The following TMTC2 variants were observed in gnomAD, a reference collection of about 807,000 sequenced individuals.
The protein encoded by TMTC2 is protein O-mannosyl-transferase TMTC2.
TMTC2 carries 43 observed loss-of-function variants against 82.4 expected under a neutral mutation model. The observed-to-expected ratio is 0.52, with a 90% confidence interval of 0.41 to 0.67. TMTC2 has a LOEUF of 0.67. Ranked by LOEUF, TMTC2 falls within the 30% of genes least tolerant of loss-of-function variation. TMTC2 has a pLI of 0.00. For synonymous variants in TMTC2, 408 were observed against 381.9 expected, an observed-to-expected ratio of 1.07 and a Z score of -0.80; for missense variants, 919 against 1,012.4, an observed-to-expected ratio of 0.91 and a Z score of 1.25.
Position 82,824,116 on chromosome 12 carries a change from A to T in TMTC2, c.84-32894A>T, listed in dbSNP as rs540746629. Reference sequence around the variant, plus strand: ...ACCATGTTGGCCAGCCTGGTCTCAAACTGCTGACTTCAAGTGATCCACCCT... The same window carrying T: ...ACCATGTTGGCCAGCCTGGTCTCAATCTGCTGACTTCAAGTGATCCACCCT... On this transcript the variant is annotated intron_variant, in intron 1 of 11. Transcript: ENST00000321196. 3.3e-5 allele frequency among the ~76,000 whole-genome samples: 5 copies of T among 152,238 alleles called. No homozygotes were observed. The East Asian group carries it at 9.7e-4, about 29-fold the overall frequency.
chr12:83,038,992 C>T (rs527715936), intron 9 of TMTC2, among the ~76,000 whole-genome samples: 4 of 133,178 alleles, frequency 3.0e-5, no homozygotes, highest in South Asian at 2.5e-4. Context: ...AGTGCAGTGG[C>T]GCGATCTCAG....
intron 1 of TMTC2, among the ~76,000 whole-genome samples, chr12:82,812,248 CACTGCATGTAATTTCA>C (rs1239069003): frequency 2.2e-4 from 34 of 152,170 alleles, no homozygotes; most frequent in South Asian, 4.1e-4. Context: ...CTCAGACTGT[CACTGCATGTAATTTCA>C]ACTGCATGTA....
At chr12:82,940,916 A>G (rs963824090) in intron 4 of TMTC2, among the ~76,000 whole-genome samples, 1 of 152,018 alleles carries the variant, frequency 6.6e-6, no homozygotes, top group Middle Eastern at 3.2e-3. Context: ...GCCTCTTTAT[A>G]TAAAGGAACA....
chr12:83,095,960 A>G (rs1031919268), intron 11 of TMTC2, among the ~76,000 whole-genome samples: 2 of 152,206 alleles, frequency 1.3e-5, no homozygotes, highest in Non-Finnish European at 2.9e-5. Flanking sequence ...TTACTATTAT[A>G]AAAATTTCAC....
At chr12:82,910,913 C>T (rs1874606114) in intron 3 of TMTC2, among the ~76,000 whole-genome samples, 1 of 151,530 alleles carries the variant, frequency 6.6e-6, no homozygotes. Context: ...CAGAGTCTCG[C>T]TCTGTCGCCC....
intron 7 of TMTC2, among the ~76,000 whole-genome samples, chr12:82,983,017 C>A (rs1178043944): frequency 6.6e-6 from 1 of 151,950 alleles, no homozygotes; most frequent in East Asian, 1.9e-4. Flanking sequence ...TTTCATCTTG[C>A]AAACCTACTT....
intron 3 of TMTC2, among the ~76,000 whole-genome samples, chr12:82,911,185 C>T (rs937213627): frequency 1.8e-4 from 27 of 151,982 alleles, no homozygotes; most frequent in African/African-American, 6.3e-4. Flanking sequence ...CGGCGGGTCT[C>T]GGGTTTTTAC....
At chr12:82,723,430 G>A (rs1478062762) in intron 1 of TMTC2, among the ~76,000 whole-genome samples, 2 of 152,118 alleles carry the variant, frequency 1.3e-5, no homozygotes, top group African/African-American at 2.4e-5. Flanking sequence ...TGAAATGCTT[G>A]GAACTAAAAA....
chr12:82,696,966 A>G (rs200402160), intron 1 of TMTC2, among the ~76,000 whole-genome samples: 119 of 118,876 alleles, frequency 1.0e-3, no homozygotes, highest in Middle Eastern at 4.6e-3. Flanking sequence ...ATACATACGT[A>G]TATATATATA....
chr12:82,720,322 T>C (rs550477176), intron 1 of TMTC2, among the ~76,000 whole-genome samples: 1 of 152,332 alleles, frequency 6.6e-6, no homozygotes, highest in Admixed American at 6.5e-5. Context: ...TTATATGTGG[T>C]CTTTCATAAC....
intron 1 of TMTC2, among the ~76,000 whole-genome samples, chr12:82,793,410 AT>A (rs1453784476): frequency 2.0e-5 from 3 of 151,120 alleles, no homozygotes; most frequent in African/African-American, 7.3e-5. Flanking sequence ...TCAGTTCTAA[AT>A]GTAGGGACAG....
intron 1 of TMTC2, among the ~76,000 whole-genome samples, chr12:82,732,181 C>T (rs1874851391): frequency 6.6e-6 from 1 of 152,098 alleles, no homozygotes; most frequent in Non-Finnish European, 1.5e-5. Flanking sequence ...AAGTTGACTC[C>T]TGCTGCGTAA....
intron 1 of TMTC2, among the ~76,000 whole-genome samples, chr12:82,821,528 C>T (rs1869111381): frequency 6.6e-6 from 1 of 152,102 alleles, no homozygotes; most frequent in African/African-American, 2.4e-5. Flanking sequence ...GATTAAGTAA[C>T]TTCATTTATA....
chr12:82,928,654 A>G (rs1281314453), intron 3 of TMTC2, among the ~76,000 whole-genome samples: 1 of 152,170 alleles, frequency 6.6e-6, no homozygotes, highest in Non-Finnish European at 1.5e-5. Context: ...CCAGTGTCGG[A>G]TTAGAGTTTT....
intron 2 of TMTC2, among the ~76,000 whole-genome samples, chr12:82,865,036 A>G (rs1180366708): frequency 6.9e-6 from 1 of 145,224 alleles, no homozygotes; most frequent in Non-Finnish European, 1.5e-5. Context: ...AACATGGTGA[A>G]ATCCTGTCTC....
intron 8 of TMTC2, among the ~76,000 whole-genome samples, chr12:83,022,376 CGCCCCAGTTGT>C (rs1822268514): frequency 8.3e-6 from 1 of 120,926 alleles, no homozygotes; most frequent in South Asian, 3.2e-4. Flanking sequence ...CCCCTCCCCC[CGCCCCAGTTGT>C]GCATTGCTCT....
rs1246697611 is a variant in TMTC2 at position 83,031,612 on chromosome 12, G to A, written c.2152+733G>A. ...GGCTGATCCCTTGGGGGGAAAATGT[G>A]GTTTTTTGATCACTGTTGGCTTTGA... On this transcript the variant is annotated intron_variant, in intron 9 of 11. Transcript: ENST00000321196. Among the ~76,000 whole-genome samples, 7 of 152,084 alleles carry A rather than the reference G, an allele frequency of 4.6e-5. No individual in the cohort carries two copies. In the South Asian group the frequency reaches 1.2e-3, roughly 27 times the overall value.
chr12:82,820,007 A>G (rs1190781417), intron 1 of TMTC2, among the ~76,000 whole-genome samples: 1 of 152,196 alleles, frequency 6.6e-6, no homozygotes. Context: ...CCAACAGTGT[A>G]GTCTTCAGTC....
chr12:82,817,264 C>T (rs546437430), intron 1 of TMTC2, among the ~76,000 whole-genome samples: 10 of 152,078 alleles, frequency 6.6e-5, no homozygotes, highest in Non-Finnish European at 1.0e-4. Flanking sequence ...CCACAGCGCC[C>T]GGCTAGAATT....
Sources: gnomAD v4.1 joint callset for allele counts (sites outside exome capture counted in the v4.1 genomes callset) on GRCh38, gnomAD v4.1.1 for gene constraint, MANE v1.5 for transcripts, NCBI Gene and HGNC (gene_info 2026-07-23, HGNC 2026-07-21) for gene names.